TXNRD3: variants seen among roughly 807,000 people sequenced by gnomAD.
TXNRD3 encodes thioredoxin reductase 3.
A neutral mutation model predicts 78.2 loss-of-function variants in TXNRD3; 68 were observed. The ratio of observed to expected loss-of-function variants is 0.87; its 90% CI spans 0.72 to 1.06. The LOEUF is 1.06. Ranked by LOEUF, TXNRD3 falls within the 50% of genes least tolerant of loss-of-function variation. TXNRD3 has a pLI of 0.00. For missense variants in TXNRD3, 751 were observed against 809.5 expected (o/e 0.93, Z 0.88); for synonymous variants, 296 against 300.1 (o/e 0.99, Z 0.14).
chr3:126,638,771 G>C (rs1179437187), intron 6 of TXNRD3, among the ~76,000 whole-genome samples: 6 of 152,120 alleles, frequency 3.9e-5, no homozygotes, highest in Non-Finnish European at 5.9e-5. Flanking sequence ...TTTGTATAGG[G>C]GGAACTTTGA....
At chr3:126,626,989 G>C (rs1334153153) in intron 10 of TXNRD3, among the ~76,000 whole-genome samples, 2 of 152,068 alleles carry the variant, frequency 1.3e-5, no homozygotes, top group Admixed American at 1.3e-4. Flanking sequence ...TAGGGAAGCT[G>C]GGTTGGGAGG....
At chr3:126,630,686 A>G in intron 9 of TXNRD3, 26 bp downstream of exon 9, 1 of 1,530,200 alleles carries the variant, frequency 6.5e-7, no homozygotes, top group Admixed American at 2.0e-5. Context: ...TAGAGAAAAA[A>G]AATTGCAAAT....
rs558845138 is a variant in TXNRD3 at position 126,621,906 on chromosome 3, T to A, written c.1368-8A>T. ...ACAGGTATTTTTCCACTCCTATTAG[T>A]TTTTGAAATGGGAAAAAATATATAT... On this transcript the variant is annotated splice_region_variant and splice_polypyrimidine_tract_variant and intron_variant, in intron 11 of 15. Coordinates refer to ENST00000524230, the MANE Select transcript of TXNRD3 (RefSeq NM_052883.3). The A allele has an allele frequency of 1.9e-5, 29 of 1,493,586 alleles. No homozygotes were observed. In the African/African-American group the frequency reaches 3.8e-4, roughly 20 times the overall value. 92.5% of individuals were successfully genotyped at this position (1,493,586 alleles called of 1,614,324 possible).
intron 7 of TXNRD3, 128 bp downstream of exon 7, chr3:126,633,781 G>A (rs1938782218): frequency 1.9e-6 from 1 of 537,404 alleles, no homozygotes; most frequent in African/African-American, 1.9e-5. Context: ...ACACATGCAT[G>A]GCCGTGTGTG....
At chr3:126,641,567 T>C (rs1933089615) in intron 6 of TXNRD3, among the ~76,000 whole-genome samples, 1 of 152,216 alleles carries the variant, frequency 6.6e-6, no homozygotes, top group South Asian at 2.1e-4. Context: ...TCCCACGGAC[T>C]ACATGCTGCT....
chr3:126,630,867 C>A lies in TXNRD3; in HGVS notation c.1042G>T (p.Glu348Ter). ...AAGCCAGCCAGAAACCCTGCACACT[C>A]CAGGGCAACATAAGAGGCACCCACC... is the stretch of plus-strand genomic sequence containing the variant. The change falls in exon 9 of 16, where the codon GAG becomes TAG. Residue 348 changes from glutamate to a stop codon, truncating the protein, a stop_gained. Coordinates refer to ENST00000524230, the MANE Select transcript of TXNRD3 (RefSeq NM_052883.3). LOFTEE classifies it high-confidence loss of function. The A allele has an allele frequency of 6.5e-7, 1 of 1,535,978 alleles. No homozygotes were observed. The highest frequency in any genetic ancestry group is 8.7e-7 in the Non-Finnish European group (1 of 1,146,864).
chr3:126,624,954 G>C (rs535254415), intron 10 of TXNRD3: 12 of 195,082 alleles, frequency 6.2e-5, no homozygotes, highest in Non-Finnish European at 1.4e-4. Context: ...AGGTGCACTA[G>C]GAATATTTAA....
intron 10 of TXNRD3, among the ~76,000 whole-genome samples, chr3:126,624,562 A>G (rs1346669482): frequency 6.6e-6 from 1 of 151,952 alleles, no homozygotes; most frequent in East Asian, 1.9e-4. Context: ...CTGGAACTAC[A>G]GGCGCCCGCC....
rs1933178997 is a variant in TXNRD3 at position 126,644,346 on chromosome 3, T to C, written c.470A>G (p.Tyr157Cys). 1 of 1,536,520 alleles carries C rather than the reference T, an allele frequency of 6.5e-7. No individual in the cohort carries two copies. The highest frequency in any genetic ancestry group is 8.7e-7 in the Non-Finnish European group (1 of 1,146,990). The change falls in exon 4 of 16, where the codon TAT (tyrosine) becomes TGT (cysteine). Residue 157 changes from tyrosine (Y) to cysteine (C), a missense_variant. By Grantham distance (194) the Tyr-to-Cys change is radical. Coordinates refer to ENST00000524230, the MANE Select transcript of TXNRD3 (RefSeq NM_052883.3). Reference sequence around the variant, plus strand: ...ACCACCACCGATGATGATGAGATCATAATCATATGCCAAATCTTCCTGAAG... The same window carrying C: ...ACCACCACCGATGATGATGAGATCACAATCATATGCCAAATCTTCCTGAAG...
At chr3:126,608,063 T>C (rs995445963) in intron 15 of TXNRD3, 90 bp from the exon 16 acceptor site, 1 of 1,030,728 alleles carries the variant, frequency 9.7e-7, no homozygotes, top group Admixed American at 2.5e-5. Context: ...TGCTATTCTT[T>C]AAAATATACA....
At position 126,621,726 on chromosome 3, in the gene TXNRD3, A is replaced by G; in HGVS notation, c.1524+16T>C. The G allele has an allele frequency of 1.4e-6, 2 of 1,481,232 alleles. No homozygotes were observed. Among genetic ancestry groups the G allele is most frequent in the Non-Finnish European group, 1.8e-6 (2 of 1,125,670 alleles). The allele number at this position is 1,481,232 out of a possible 1,614,324, so 91.8% of individuals were successfully genotyped here. ...TCTTGATCAGGACATTATCTCAAAA[A>G]CAGTAAGAAACTTACCTTTTCTAAA... On this transcript the variant is annotated intron_variant, in intron 12 of 15. Transcript: ENST00000524230.
intron 10 of TXNRD3, 98 bp downstream of exon 10, chr3:126,629,281 A>T (rs1159494110): frequency 2.2e-5 from 20 of 913,356 alleles, no homozygotes; most frequent in Non-Finnish European, 3.2e-5. Flanking sequence ...TAAAAAAAGT[A>T]AAAAAATGTT....
chr3:126,626,533 T>C (rs748856995), intron 10 of TXNRD3, among the ~76,000 whole-genome samples: 3 of 152,082 alleles, frequency 2.0e-5, no homozygotes, highest in Non-Finnish European at 2.9e-5. Context: ...AATAAACACA[T>C]GAAAATTGCT....
At position 126,636,147 on chromosome 3, in the gene TXNRD3, A is replaced by C. The variant is rs530768937; in HGVS notation, c.713-2096T>G. Among the ~76,000 whole-genome samples, 10 of 152,272 alleles carry C rather than the reference A, an allele frequency of 6.6e-5. No individual in the cohort carries two copies. In the South Asian group the frequency reaches 2.1e-3, roughly 32 times the overall value. On this transcript the variant is annotated intron_variant, in intron 6 of 15. Transcript: ENST00000524230. ...AGGAAGGGGTCTCGCTATGTTGCCC[A>C]GGCTAGTCTCAAGCTCCTCATCTCA...
At chr3:126,647,215 T>A in intron 2 of TXNRD3, 21 bp downstream of exon 2, 1 of 1,517,068 alleles carries the variant, frequency 6.6e-7, no homozygotes. Flanking sequence ...AACAACACTA[T>A]GTTGTAACTG....
In TXNRD3 at chr3:126,654,808, G is replaced by A; in HGVS notation, c.183C>T (p.Gly61=). Reference sequence around the variant, plus strand: ...TCACCACCCGGCTGCGCTCGATGAGGCCCACGAGGTGGCGGCGCAGCTCCT... The same window carrying A: ...TCACCACCCGGCTGCGCTCGATGAGACCCACGAGGTGGCGGCGCAGCTCCT... Residue 61 remains glycine (G), a synonymous_variant, in exon 1 of 16, where the codon GGC becomes GGT. Transcript: ENST00000524230. 7.0e-7 allele frequency: 1 copy of A among 1,425,634 alleles called. No homozygotes were observed. The highest frequency in any genetic ancestry group is 9.2e-7 in the Non-Finnish European group (1 of 1,090,588). The allele number at this position is 1,425,634 out of a possible 1,614,324, so 88.3% of individuals were successfully genotyped here. A position where few individuals can be genotyped will look rare whatever the true frequency, so the allele number is the denominator to read the frequency against.
At chr3:126,620,430 C>CTTAGGA (rs1938425117) in intron 12 of TXNRD3, among the ~76,000 whole-genome samples, 2 of 151,904 alleles carry the variant, frequency 1.3e-5, no homozygotes, top group South Asian at 4.2e-4. Context: ...CATCCTTGTA[C>CTTAGGA]TTAGGAGATA....
chr3:126,648,789 T>C (rs182310550), intron 1 of TXNRD3, among the ~76,000 whole-genome samples: 20 of 152,248 alleles, frequency 1.3e-4, no homozygotes, highest in Middle Eastern at 3.4e-3. Flanking sequence ...GCTTTGACAA[T>C]GATTTTATGG....
At chr3:126,652,592 C>G (rs376452687) in intron 1 of TXNRD3, among the ~76,000 whole-genome samples, 1 of 152,236 alleles carries the variant, frequency 6.6e-6, no homozygotes, top group East Asian at 1.9e-4. Context: ...CATGTTTTCT[C>G]CAGGTACTCC....
Sources: gnomAD v4.1 joint callset for allele counts (sites outside exome capture counted in the v4.1 genomes callset) on GRCh38, gnomAD v4.1.1 for gene constraint, MANE v1.5 for transcripts, NCBI Gene and HGNC (gene_info 2026-07-23, HGNC 2026-07-21) for gene names.